COBL: variants seen among roughly 807,000 people sequenced by gnomAD.
COBL encodes the protein protein cordon-bleu.
Under a neutral mutation model 98.8 loss-of-function variants are expected in COBL, and 51 were observed. The ratio of observed to expected loss-of-function variants is 0.52; its 90% CI spans 0.41 to 0.65. The LOEUF (loss-of-function observed/expected upper bound fraction) is 0.65, where lower values mean the gene tolerates loss of function less well. Among genes scored for constraint, COBL ranks in the 30% least tolerant of loss-of-function variants. The pLI, the probability that COBL is intolerant of heterozygous loss-of-function variation, is 0.00. For missense variants in COBL, 1,617 were observed against 1,617.5 expected (o/e 1.00, Z 0.01); for synonymous variants, 634 against 651.7 (o/e 0.97, Z 0.41).
intron 6 of COBL, among the ~76,000 whole-genome samples, chr7:51,104,522 ATACTACCTGCCTCCCTTGTT>A (rs1389948398): frequency 6.6e-6 from 1 of 152,190 alleles, no homozygotes; most frequent in African/African-American, 2.4e-5. Flanking sequence ...GTGGACAAAA[ATACTACCTGCCTCCCTTGTT>A]TACTGTTAGG....
intron 7 of COBL, chr7:51,065,213 CGTGT>C: frequency 1.4e-6 from 1 of 703,070 alleles, no homozygotes; most frequent in Admixed American, 2.0e-5. Flanking sequence ...TGTGTGTGTG[CGTGT>C]GTGTGTCTAA....
At chr7:51,315,186 T>C (rs1413557643) in intron 1 of COBL, among the ~76,000 whole-genome samples, 1 of 151,928 alleles carries the variant, frequency 6.6e-6, no homozygotes, top group Non-Finnish European at 1.5e-5. Context: ...GAAAAAGGAT[T>C]TCCCACATTT....
At chr7:51,167,137 C>CA (rs1787399640) in intron 5 of COBL, among the ~76,000 whole-genome samples, 1 of 152,048 alleles carries the variant, frequency 6.6e-6, no homozygotes, top group Non-Finnish European at 1.5e-5. Flanking sequence ...AAAGGGCATT[C>CA]AAATTGGAAA....
chr7:51,055,875 C>T (rs556442433), intron 7 of COBL, among the ~76,000 whole-genome samples: 24 of 152,318 alleles, frequency 1.6e-4, no homozygotes, highest in South Asian at 6.2e-4. Context: ...CAACAACAGG[C>T]GCTGGAGTTA....
chr7:51,219,148 G>T (rs1251902986), intron 2 of COBL, among the ~76,000 whole-genome samples: 2 of 152,238 alleles, frequency 1.3e-5, no homozygotes. Context: ...AGTGCAGTGA[G>T]ACACTCAGCC....
At chr7:51,229,057 T>A (rs1256592469) in intron 1 of COBL, among the ~76,000 whole-genome samples, 1 of 151,998 alleles carries the variant, frequency 6.6e-6, no homozygotes, top group East Asian at 1.9e-4. Context: ...TTGCCTGGAG[T>A]GGGTTTGCTT....
intron 6 of COBL, among the ~76,000 whole-genome samples, chr7:51,128,536 C>T (rs529018051): frequency 9.3e-5 from 14 of 149,950 alleles, no homozygotes; most frequent in African/African-American, 3.0e-4. Flanking sequence ...GAGGGAGGGG[C>T]GGGGAGCAGG....
chr7:51,118,082 A>G (rs1039207161), intron 6 of COBL, among the ~76,000 whole-genome samples: 33 of 152,108 alleles, frequency 2.2e-4, no homozygotes, highest in Admixed American at 1.7e-3. Flanking sequence ...CACTTTCCAG[A>G]GGGCGGTGGC....
In COBL at chr7:51,091,494, A is replaced by C. The variant is rs565337595; in HGVS notation, c.958-6190T>G. ...ATTATTGAGTAAAGGAATAAAAAAA[A>C]ATTCAAAAATTGAACACAGCCTTAA... On this transcript the variant is annotated intron_variant, in intron 6 of 12. Coordinates refer to ENST00000265136, the MANE Select transcript of COBL (RefSeq NM_015198.5). 8.5e-5 allele frequency among the ~76,000 whole-genome samples: 13 copies of C among 152,290 alleles called. No individual in the cohort carries two copies. The East Asian group carries it at 2.5e-3, about 29-fold the overall frequency.
Position 51,027,811 on chromosome 7 carries a change from G to A in COBL, c.3285C>T (p.Phe1095=). The A allele has an allele frequency of 6.2e-7, 1 of 1,614,258 alleles. No individual in the cohort carries two copies. Among genetic ancestry groups the A allele is most frequent in the Non-Finnish European group, 8.5e-7 (1 of 1,180,042 alleles). ...PPSIFGPKKK[F]KPVVQRPVPK... is the part of the protein sequence containing the mutation. ...GGACTGGTCTCTGGACAACAGGTTT[G>A]AATTTTTTCTTCGGCCCAAAAATGC... Residue 1095 remains phenylalanine (F), a synonymous_variant, in exon 10 of 13, where the codon TTC becomes TTT. Coordinates refer to ENST00000265136, the MANE Select transcript of COBL (RefSeq NM_015198.5).
At chr7:51,050,778 T>C (rs1790159096) in intron 7 of COBL, among the ~76,000 whole-genome samples, 1 of 152,190 alleles carries the variant, frequency 6.6e-6, no homozygotes, top group African/African-American at 2.4e-5. Context: ...TAAAGATTAG[T>C]CTCTTGGAAG....
At chr7:51,287,597 T>C (rs930951363) in intron 1 of COBL, among the ~76,000 whole-genome samples, 1 of 152,212 alleles carries the variant, frequency 6.6e-6, no homozygotes, top group African/African-American at 2.4e-5. Context: ...AAACACTTTA[T>C]GCATATAGTT....
At chr7:51,192,932 T>C (rs1169088587) in intron 3 of COBL, among the ~76,000 whole-genome samples, 2 of 152,100 alleles carry the variant, frequency 1.3e-5, no homozygotes, top group Non-Finnish European at 2.9e-5. Flanking sequence ...TTCTCAATCA[T>C]ACCTGCCACA....
At chr7:51,053,349 T>C (rs892360241) in intron 7 of COBL, among the ~76,000 whole-genome samples, 3 of 152,124 alleles carry the variant, frequency 2.0e-5, no homozygotes, top group Middle Eastern at 3.2e-3. Flanking sequence ...TGGCATCTTC[T>C]GGGCAAGCTG....
chr7:51,177,780 AAATAAAT>A (rs1788525705), intron 5 of COBL, among the ~76,000 whole-genome samples: 215 of 20,198 alleles, frequency 0.011, 2 homozygotes, highest in African/African-American at 0.024. Flanking sequence ...TCAAAAAAAT[AAATAAAT>A]AAATAAATAA....
intron 6 of COBL, among the ~76,000 whole-genome samples, chr7:51,114,077 T>C (rs1040905069): frequency 6.6e-6 from 1 of 152,224 alleles, no homozygotes; most frequent in Non-Finnish European, 1.5e-5. Context: ...ATCCAAAACC[T>C]AGACTTTGGG....
At chr7:51,215,367 A>C (rs1361007805) in intron 2 of COBL, among the ~76,000 whole-genome samples, 1 of 152,220 alleles carries the variant, frequency 6.6e-6, no homozygotes, top group African/African-American at 2.4e-5. Flanking sequence ...GCTTTTTGGC[A>C]TGTTTTTGTT....
At chr7:51,098,023 CAAA>C (rs3047141) in intron 6 of COBL, among the ~76,000 whole-genome samples, 262 of 94,316 alleles carry the variant, frequency 2.8e-3, no homozygotes, top group Middle Eastern at 0.011. Flanking sequence ...GACTCCATCT[CAAA>C]AAAAAAAAAA....
chr7:51,298,873 A>G (rs984672041), intron 1 of COBL, among the ~76,000 whole-genome samples: 49 of 152,220 alleles, frequency 3.2e-4, no homozygotes, highest in Non-Finnish European at 4.6e-4. Context: ...CGAAGCTCTG[A>G]GGTCAAATCC....
Sources: allele counts gnomAD v4.1 joint callset (sites outside exome capture counted in the v4.1 genomes callset), GRCh38; gene constraint gnomAD v4.1.1; transcripts MANE v1.5; gene names NCBI Gene and HGNC (gene_info 2026-07-23, HGNC 2026-07-21).